Variants in LCN8 observed in about 807,000 individuals in gnomAD.
LCN8 encodes lipocalin 8.
A neutral mutation model predicts 22.8 loss-of-function variants in LCN8; 16 were observed. The ratio of observed to expected loss-of-function variants is 0.70; its 90% CI spans 0.47 to 1.06. The LOEUF (loss-of-function observed/expected upper bound fraction) is 1.06. Among genes scored for constraint, LCN8 ranks in the 50% least tolerant of loss-of-function variants. The pLI is 0.00. For synonymous variants in LCN8, 92 were observed against 83.4 expected, an observed-to-expected ratio of 1.10 and a Z score of -0.56; for missense variants, 189 against 203.3, an observed-to-expected ratio of 0.93 and a Z score of 0.43.
Position 136,755,329 on chromosome 9 carries a change from C to A in LCN8, c.336G>T (p.Arg112=). Residue 112 remains arginine (R), a synonymous_variant, in exon 5 of 7, where the codon CGG becomes CGT. Transcript: ENST00000371688. ...CCAGCCGGTCCTTGTCCTCAAGGCTCCGAGCTGTGGGGCACAGGGGGGCTG... is the reference window on the plus strand; with the variant it reads ...CCAGCCGGTCCTTGTCCTCAAGGCTACGAGCTGTGGGGCACAGGGGGGCTG... ...RNFRVLKYFT[R]SLEDKDRLGF... 1 of 1,609,970 alleles carries A rather than the reference C, an allele frequency of 6.2e-7. No individual in the cohort carries two copies. Among genetic ancestry groups the A allele is most frequent in the Non-Finnish European group, 8.5e-7 (1 of 1,179,994 alleles).
Position 136,758,083 on chromosome 9 carries a change from G to T in LCN8, c.-153C>A. On this transcript the variant is annotated 5_prime_UTR_variant, in exon 1 of 7. Coordinates refer to ENST00000371688, the MANE Select transcript of LCN8 (RefSeq NM_178469.4). ...AGTGCAGGCTTGTGCGCCCACCCGG[G>T]AATGTCATCAGGACAGCTTGGCTGC... 6.7e-7 allele frequency: 1 copy of T among 1,487,786 alleles called. No individual in the cohort carries two copies. The highest frequency in any genetic ancestry group is 9.0e-7 in the Non-Finnish European group (1 of 1,115,906). 92.2% of individuals were successfully genotyped at this position (1,487,786 alleles called of 1,614,324 possible).
Position 136,755,892 on chromosome 9 carries a change from G to T in LCN8, c.227-376C>A, listed in dbSNP as rs948122192. 3.8e-6 allele frequency: 5 copies of T among 1,302,572 alleles called. No individual in the cohort carries two copies. The South Asian group carries it at 6.3e-5, about 16-fold the overall frequency. The allele number at this position is 1,302,572 out of a possible 1,614,324, so 80.7% of individuals were successfully genotyped here. On this transcript the variant is annotated intron_variant, in intron 3 of 6. Transcript: ENST00000371688. ...AGGGAACAGCATGGGGAATAGTGCA[G>T]GGAGCAGTGCGGGGAACAGTGCAGG...
Position 136,757,859 on chromosome 9 carries a change from G to A in LCN8, c.24+48C>T, listed in dbSNP as rs750838776. The stretch of plus-strand genomic sequence containing the variant: ...AGAGGCCTCCTTCCCTGAGCCTGAG[G>A]GGTTGGGGGTGTAGGAGGAGCCCCA... On this transcript the variant is annotated intron_variant, in intron 1 of 6. Transcript: ENST00000371688. 5.0e-6 allele frequency: 8 copies of A among 1,613,438 alleles called. No individual in the cohort carries two copies. The Admixed American group carries it at 1.3e-4, about 27-fold the overall frequency.
rs1222861530 is a variant in LCN8, at chr9:136,756,690, G to A, written c.156-98C>T. On this transcript the variant is annotated intron_variant, in intron 2 of 6. Coordinates refer to ENST00000371688, the MANE Select transcript of LCN8 (RefSeq NM_178469.4). ...GGGCTGTGTCTTTAGGAAGGGCACA[G>A]GCAGCACTGTGGAGTATCCCAGGCC... 6 of 1,534,304 alleles carry A rather than the reference G, an allele frequency of 3.9e-6. No homozygotes were observed. The African/African-American group carries it at 8.4e-5, about 21-fold the overall frequency.
chr9:136,757,241 C>A, intron 1 of LCN8, 73 bp from the exon 2 acceptor site: 2 of 1,557,410 alleles, frequency 1.3e-6, no homozygotes, highest in South Asian at 1.2e-5. Flanking sequence ...CACGAACCCC[C>A]GGGCAGGGGC....
At chr9:136,754,973 G>A (rs1230290505) in intron 6 of LCN8, 162 bp downstream of exon 6, 3 of 1,407,890 alleles carry the variant, frequency 2.1e-6, no homozygotes, top group African/African-American at 2.9e-5. Flanking sequence ...ACTCATCTCT[G>A]GAGCTGCCCA....
intron 1 of LCN8, chr9:136,757,478 C>T: frequency 7.4e-7 from 1 of 1,351,280 alleles, no homozygotes. Flanking sequence ...CCTGCCTGAC[C>T]TCGGAGGCAG....
At chr9:136,758,258 G>A (rs149379193), upstream of LCN8, 1,121 of 1,244,316 alleles carry the variant, frequency 9.0e-4, 1 homozygote, top group African/African-American at 1.8e-3. Flanking sequence ...GGGCCGTCTC[G>A]GAGCCTGAGA....
At position 136,755,281 on chromosome 9, in the gene LCN8, C is replaced by G. The variant is rs1171173773; in HGVS notation, c.384G>C (p.Leu128=). The part of the protein sequence containing the change: ...DRLGFWKFRE[L]TADTGLYLAA... Reference sequence around the variant, plus strand: ...CCAGGTAGAGACCAGTGTCTGCTGTCAGCTCCCGAAACTTCCAGAACCCCA... The same window carrying G: ...CCAGGTAGAGACCAGTGTCTGCTGTGAGCTCCCGAAACTTCCAGAACCCCA... The change falls in exon 5 of 7, where the codon CTG becomes CTC. Residue 128 remains leucine, a synonymous_variant. Coordinates refer to ENST00000371688, the MANE Select transcript of LCN8 (RefSeq NM_178469.4). 1 of 1,611,860 alleles carries G rather than the reference C, an allele frequency of 6.2e-7. No individual in the cohort carries two copies. The highest frequency in any genetic ancestry group is 8.5e-7 in the Non-Finnish European group (1 of 1,180,010).
chr9:136,754,633 C>T, intron 6 of LCN8, 124 bp from the exon 7 acceptor site: 6 of 1,454,696 alleles, frequency 4.1e-6, no homozygotes, highest in Non-Finnish European at 5.4e-6. Flanking sequence ...GCACCCAGCT[C>T]CCTGAGCGCC....
At chr9:136,756,075 GCATTGCAGGGAACAGCATGGGGAA>G (rs1847185271) in intron 3 of LCN8, 6 of 1,220,366 alleles carry the variant, frequency 4.9e-6, no homozygotes, top group East Asian at 6.7e-5. Flanking sequence ...AGTGCAGGGA[GCATTGCAGGGAACAGCATGGGGAA>G]CAGTGCAGGG....
intron 3 of LCN8, chr9:136,755,941 G>A: frequency 7.7e-7 from 1 of 1,303,962 alleles, no homozygotes. Flanking sequence ...AACAGCATGG[G>A]GAACAGTGCA....
chr9:136,757,626 C>G lies in LCN8; in HGVS notation c.24+281G>C, dbSNP rs1049902338. The G allele has an allele frequency of 1.6e-5, 23 of 1,413,288 alleles. No homozygotes were observed. In the South Asian group the frequency reaches 3.4e-4, roughly 21 times the overall value. 87.5% of individuals were successfully genotyped at this position (1,413,288 alleles called of 1,614,324 possible). A position where few individuals can be genotyped will look rare whatever the true frequency, so the allele number is the denominator to read the frequency against. On this transcript the variant is annotated intron_variant, in intron 1 of 6. Coordinates refer to ENST00000371688, the MANE Select transcript of LCN8 (RefSeq NM_178469.4). ...AGGATGGGCCTCCTGCCCTCAGCAA[C>G]CCGCCCAGAGCCGGGACTTCCGCTG... is the stretch of plus-strand genomic sequence containing the variant.
At position 136,756,528 on chromosome 9, in the gene LCN8, A is replaced by T. The variant is rs1217406425; in HGVS notation, c.220T>A (p.Phe74Ile). ...ACAGGGCAACTGCACTTACCAGGAA[A>T]AGCGAATTTTCCCGTACTGTCTATT... ...SEIDSTGKFA[F>I]PGHREIHVLD... Residue 74 changes from phenylalanine (F) to isoleucine (I), a missense_variant, in exon 3 of 7, where the codon TTT becomes ATT. By Grantham distance (21) the Phe-to-Ile change is conservative. Transcript: ENST00000371688. 2 of 1,614,146 alleles carry T rather than the reference A, an allele frequency of 1.2e-6. No individual in the cohort carries two copies. Among genetic ancestry groups the T allele is most frequent in the East Asian group, 2.2e-5 (1 of 44,896 alleles).
At chr9:136,757,334 G>C in intron 1 of LCN8, 166 bp from the exon 2 acceptor site, 1 of 1,448,800 alleles carries the variant, frequency 6.9e-7, no homozygotes, top group Non-Finnish European at 9.1e-7. Flanking sequence ...CTGTCCCCAG[G>C]CATGTGTCCC....
intron 3 of LCN8, chr9:136,756,076 C>T: frequency 3.1e-6 from 4 of 1,294,846 alleles, no homozygotes; most frequent in Non-Finnish European, 4.0e-6. Context: ...GTGCAGGGAG[C>T]ATTGCAGGGA....
chr9:136,756,066 G>A (rs1455635698), intron 3 of LCN8: 2 of 1,291,254 alleles, frequency 1.5e-6, no homozygotes, highest in Middle Eastern at 2.1e-4. Context: ...GCGGGGAACA[G>A]TGCAGGGAGC....
At chr9:136,756,952 C>T (rs1261755212) in intron 2 of LCN8, 86 bp downstream of exon 2, 2 of 1,481,392 alleles carry the variant, frequency 1.4e-6, no homozygotes, top group African/African-American at 2.8e-5. Flanking sequence ...TCAGCCCAGA[C>T]CCCACGCTGC....
rs777893385 is a variant in LCN8, at chr9:136,757,890, TAAG to T, written c.24+14_24+16del. Reference sequence around the variant, plus strand: ...GGGGTGTAGGAGGAGCCCCACCAACTAAGAAGGAGAAGCCACCTTCTGCCGGTC... The same window carrying T: ...GGGGTGTAGGAGGAGCCCCACCAACTAAGGAGAAGCCACCTTCTGCCGGTC... On this transcript the variant is annotated intron_variant, in intron 1 of 6. Transcript: ENST00000371688. 36 of 1,613,540 alleles carry T rather than the reference TAAG, an allele frequency of 2.2e-5. No homozygotes were observed. The African/African-American group carries it at 4.1e-4, about 19-fold the overall frequency.
Sources: gnomAD v4.1 joint callset for allele counts on GRCh38, gnomAD v4.1.1 for gene constraint, MANE v1.5 for transcripts, NCBI Gene and HGNC (gene_info 2026-07-23, HGNC 2026-07-21) for gene names.